MYOM1: variants seen among roughly 807,000 people sequenced by gnomAD.
The protein encoded by MYOM1 is myomesin-1.
Under a neutral mutation model 205.3 loss-of-function variants are expected in MYOM1, and 164 were observed. The observed-to-expected ratio is 0.80, with a 90% CI of 0.70 to 0.91. The LOEUF (loss-of-function observed/expected upper bound fraction) is 0.91, where lower values mean the gene tolerates loss of function less well. Ranked by LOEUF, MYOM1 falls within the 40% of genes least tolerant of loss-of-function variation. The pLI is 0.00. For synonymous variants in MYOM1, 772 were observed against 789.4 expected (o/e 0.98, Z 0.37); for missense variants, 2,011 against 2,127.3 (o/e 0.95, Z 1.08).
At position 3,133,581 on chromosome 18, in the gene MYOM1, T is replaced by C. The variant is rs535504020; in HGVS notation, c.2384+1069A>G. Among the ~76,000 whole-genome samples, 51 of 152,338 alleles carry C rather than the reference T, an allele frequency of 3.3e-4. 1 individual carries two copies. The Middle Eastern group carries it at 0.014, about 41-fold the overall frequency. ...TGTTGATGTCCAGAATTTGTAAAAT[T>C]TCGATACTTTTTTCTCTTCATTTAA... On this transcript the variant is annotated intron_variant, in intron 16 of 37. Transcript: ENST00000356443.
At chr18:3,119,258 G>C (rs2079650807) in intron 20 of MYOM1, among the ~76,000 whole-genome samples, 1 of 152,030 alleles carries the variant, frequency 6.6e-6, no homozygotes, top group Admixed American at 6.6e-5. Context: ...TAGAGAGAAA[G>C]GGCTGGAAAA....
chr18:3,119,249 A>G (rs2079650724), intron 20 of MYOM1, among the ~76,000 whole-genome samples: 1 of 152,034 alleles, frequency 6.6e-6, no homozygotes, highest in African/African-American at 2.4e-5. Flanking sequence ...GAAAATGCTT[A>G]GAGAGAAAGG....
At chr18:3,176,283 T>C in intron 5 of MYOM1, 149 bp from the exon 6 acceptor site, 2 of 576,704 alleles carry the variant, frequency 3.5e-6, no homozygotes, top group East Asian at 2.9e-5. Flanking sequence ...TAAATCATAT[T>C]GGCTTACGTG....
intron 34 of MYOM1, among the ~76,000 whole-genome samples, chr18:3,076,311 G>A (rs911111118): frequency 6.6e-6 from 1 of 152,118 alleles, no homozygotes; most frequent in East Asian, 1.9e-4. Context: ...TAAGTGATTT[G>A]CCCGTCTCGG....
chr18:3,175,154 G>A (rs1194864781), intron 6 of MYOM1, among the ~76,000 whole-genome samples: 1 of 152,106 alleles, frequency 6.6e-6, no homozygotes, highest in African/African-American at 2.4e-5. Context: ...ATAGCTCACT[G>A]TTGCTTTAGC....
At chr18:3,183,909 CTTT>C (rs1555627860) in intron 5 of MYOM1, among the ~76,000 whole-genome samples, 9 of 143,332 alleles carry the variant, frequency 6.3e-5, no homozygotes, top group Non-Finnish European at 4.6e-5. Flanking sequence ...CGTTCTCTCT[CTTT>C]TTTTTTTTTT....
At chr18:3,102,678 C>G in intron 22 of MYOM1, 48 bp from the exon 23 acceptor site, 1 of 1,573,506 alleles carries the variant, frequency 6.4e-7, no homozygotes, top group South Asian at 1.2e-5. Flanking sequence ...GGAAAGCAAC[C>G]AAGTAAGAAT....
At chr18:3,192,547 G>A (rs1229681042) in intron 3 of MYOM1, among the ~76,000 whole-genome samples, 1 of 152,160 alleles carries the variant, frequency 6.6e-6, no homozygotes, top group Non-Finnish European at 1.5e-5. Context: ...ATTATTTCCT[G>A]ACTTCCAAGA....
rs776340924 is a variant in MYOM1 at position 3,126,747 on chromosome 18, T to C, written c.2945A>G (p.Lys982Arg). 6.2e-7 allele frequency: 1 copy of C among 1,613,834 alleles called. No homozygotes were observed. The highest frequency in any genetic ancestry group is 1.1e-5 in the South Asian group (1 of 91,036). ...YREVIDGVPG[K>R]WREANVKAVS... is the part of the protein sequence containing the mutation. The stretch of plus-strand genomic sequence containing the variant: ...AGCCTTGACATTGGCTTCTCTCCAT[T>C]TTCCTGGTACCCCATCAATGACCTC... Residue 982 changes from lysine (K) to arginine (R), a missense_variant, in exon 19 of 38, where the codon AAA becomes AGA. By Grantham distance (26) the Lys-to-Arg change is conservative (BLOSUM62 2). Transcript: ENST00000356443.
intron 26 of MYOM1, 74 bp downstream of exon 26, chr18:3,094,096 T>A: frequency 2.0e-6 from 3 of 1,506,212 alleles, no homozygotes; most frequent in Non-Finnish European, 2.7e-6. Context: ...TAACAACATA[T>A]CCACATCCAC....
chr18:3,148,351 T>G (rs1371273189), intron 13 of MYOM1, among the ~76,000 whole-genome samples: 1 of 152,102 alleles, frequency 6.6e-6, no homozygotes, highest in African/African-American at 2.4e-5. Context: ...CACACCAACG[T>G]AGATAAGTCT....
chr18:3,197,705 T>C (rs28504387), intron 2 of MYOM1, among the ~76,000 whole-genome samples: 2,526 of 150,346 alleles, frequency 0.017, 55 homozygotes, highest in African/African-American at 0.036. Flanking sequence ...AACCCCGTCT[T>C]TACTAAAAAT....
In MYOM1 at chr18:3,215,026, G is replaced by GGCGGACGCCCGACGGAAGGCC; in HGVS notation, c.177_197dup (p.Ala60_Ala66dup). 1 of 1,612,546 alleles carries GGCGGACGCCCGACGGAAGGCC rather than the reference G, an allele frequency of 6.2e-7. No homozygotes were observed. Among genetic ancestry groups the GGCGGACGCCCGACGGAAGGCC allele is most frequent in the East Asian group, 2.2e-5 (1 of 44,828 alleles). ...GCGAGGCCTGCTGCTGGGAGGAGGA[G>GGCGGACGCCCGACGGAAGGCC]GCGGACGCCCGACGGAAGGCCTCGG... On this transcript the variant is annotated inframe_insertion, in exon 2 of 38. Coordinates refer to ENST00000356443, the MANE Select transcript of MYOM1 (RefSeq NM_003803.4).
the MYOM1 span, among the ~76,000 whole-genome samples, chr18:3,228,408 C>T: frequency 6.6e-6 from 1 of 152,100 alleles, no homozygotes; most frequent in Non-Finnish European, 1.5e-5. This position sits in a 1 kb window ranked among gnomAD's most constrained non-coding sequence, Gnocchi z 4.5. Flanking sequence ...GCTGGAACAA[C>T]GGAGAGCCAG....
rs1421492810 is a variant in MYOM1, at chr18:3,179,837, CT to C, written c.930-3704del. 6.6e-6 allele frequency among the ~76,000 whole-genome samples: 1 copy of C among 152,242 alleles called. No individual in the cohort carries two copies. Among genetic ancestry groups the C allele is most frequent in the Admixed American group, 6.5e-5 (1 of 15,286 alleles). ...CACTGGACTCAAGCTCACTCTGGCT[CT>C]GCTCTTTCTTGTGCTGGAGGGTTTT... On this transcript the variant is annotated intron_variant, in intron 5 of 37. Transcript: ENST00000356443. This position sits in a 1 kb window ranked among gnomAD's most constrained non-coding sequence, Gnocchi z 4.4.
chr18:3,157,256 T>C (rs1264316275), intron 10 of MYOM1, among the ~76,000 whole-genome samples: 2 of 152,210 alleles, frequency 1.3e-5, no homozygotes. Flanking sequence ...TCAACATTTG[T>C]ATAGCATTGC....
At chr18:3,184,567 TTTTG>T (rs747168602) in intron 5 of MYOM1, among the ~76,000 whole-genome samples, 4 of 152,336 alleles carry the variant, frequency 2.6e-5, no homozygotes, top group South Asian at 2.1e-4. Context: ...CCAGTTCTTT[TTTTG>T]TTTGTTTGTT....
intron 33 of MYOM1, among the ~76,000 whole-genome samples, chr18:3,080,885 G>A (rs2079077240): frequency 6.6e-6 from 1 of 152,156 alleles, no homozygotes; most frequent in South Asian, 2.1e-4. Flanking sequence ...TGTAATCCCA[G>A]TACTTTGGGA....
intron 2 of MYOM1, among the ~76,000 whole-genome samples, chr18:3,205,608 A>G (rs2081115560): frequency 6.6e-6 from 1 of 152,200 alleles, no homozygotes; most frequent in Non-Finnish European, 1.5e-5. Flanking sequence ...ATCCCCATAC[A>G]TTTTTGTGGG....
Sources: allele counts gnomAD v4.1 joint callset (sites outside exome capture counted in the v4.1 genomes callset), GRCh38; gene constraint gnomAD v4.1.1; non-coding constraint Gnocchi (gnomAD v3.1); transcripts MANE v1.5; gene names NCBI Gene and HGNC (gene_info 2026-07-23, HGNC 2026-07-21).